Variants in BRINP3 observed in about 807,000 individuals in gnomAD.
The protein encoded by BRINP3 is BMP/retinoic acid inducible neural specific 3, also known as BMP/retinoic acid-inducible neural-specific protein 3.
A neutral mutation model predicts 71.0 loss-of-function variants in BRINP3; 19 were observed. The ratio of observed to expected loss-of-function variants is 0.27; its 90% CI spans 0.19 to 0.39. BRINP3 has a LOEUF of 0.39. BRINP3 is among the 10% of genes least tolerant of loss of function. BRINP3 has a pLI of 1.00. For missense variants in BRINP3, 959 were observed against 940.8 expected (o/e 1.02, Z -0.25); for synonymous variants, 380 against 337.7 (o/e 1.13, Z -1.37).
chr1:190,149,793 T>C (rs1369916437), intron 7 of BRINP3, among the ~76,000 whole-genome samples: 1 of 152,184 alleles, frequency 6.6e-6, no homozygotes, highest in Non-Finnish European at 1.5e-5. Flanking sequence ...ACCTGAGATT[T>C]GATCTTTTGT....
chr1:190,366,399 A>C (rs1475747379), intron 2 of BRINP3, among the ~76,000 whole-genome samples: 1 of 152,272 alleles, frequency 6.6e-6, no homozygotes, highest in East Asian at 1.9e-4. Context: ...AACTGCCCCC[A>C]TGATTGAATT....
At chr1:190,234,603 C>T (rs927670279) in intron 4 of BRINP3, 126 bp from the exon 5 acceptor site, 1 of 607,908 alleles carries the variant, frequency 1.6e-6, no homozygotes, top group Non-Finnish European at 2.9e-6. Flanking sequence ...TCCAGGATCT[C>T]ATACACACCA....
At chr1:190,211,730 A>G (rs1656005626) in intron 6 of BRINP3, among the ~76,000 whole-genome samples, 1 of 152,142 alleles carries the variant, frequency 6.6e-6, no homozygotes, top group Non-Finnish European at 1.5e-5. Context: ...GCAAAAATTC[A>G]TTTGAGATCT....
intron 2 of BRINP3, among the ~76,000 whole-genome samples, chr1:190,452,459 CAG>C (rs1287836372): frequency 6.6e-6 from 1 of 152,186 alleles, no homozygotes; most frequent in East Asian, 1.9e-4. Flanking sequence ...AAAAACCAAA[CAG>C]AATATATGCG....
At chr1:190,285,934 TCTAA>T (rs1187972536) in intron 2 of BRINP3, among the ~76,000 whole-genome samples, 1 of 152,168 alleles carries the variant, frequency 6.6e-6, no homozygotes, top group Non-Finnish European at 1.5e-5. Context: ...CATTGTTGTA[TCTAA>T]CTAAGTGTTG....
intron 2 of BRINP3, among the ~76,000 whole-genome samples, chr1:190,285,839 T>A (rs1310242184): frequency 6.6e-6 from 1 of 152,042 alleles, no homozygotes; most frequent in Non-Finnish European, 1.5e-5. Flanking sequence ...AACATGCTGT[T>A]GGATGTAATT....
chr1:190,377,869 T>C (rs1457063881), intron 2 of BRINP3, among the ~76,000 whole-genome samples: 1 of 152,094 alleles, frequency 6.6e-6, no homozygotes, highest in African/African-American at 2.4e-5. Context: ...AGAAATTAAA[T>C]TTTTTAAATT....
At chr1:190,161,955 AATTCACAGTGAATTAT>A (rs1651021125) in intron 6 of BRINP3, among the ~76,000 whole-genome samples, 1 of 152,118 alleles carries the variant, frequency 6.6e-6, no homozygotes, top group Non-Finnish European at 1.5e-5. Context: ...ACTTTTTAAC[AATTCACAGTGAATTAT>A]ATTCATGAAC....
At chr1:190,173,311 G>A (rs1434310044) in intron 6 of BRINP3, among the ~76,000 whole-genome samples, 3 of 152,068 alleles carry the variant, frequency 2.0e-5, no homozygotes, top group East Asian at 1.9e-4. Flanking sequence ...CTGTACGTGG[G>A]GGAAGGGATA....
At chr1:190,197,451 T>C (rs1039293453) in intron 6 of BRINP3, among the ~76,000 whole-genome samples, 7 of 152,170 alleles carry the variant, frequency 4.6e-5, no homozygotes, top group Non-Finnish European at 8.8e-5. Context: ...CTTCCATCTA[T>C]GAGGCTGTAA....
At chr1:190,228,859 C>G (rs1214816953) in intron 5 of BRINP3, among the ~76,000 whole-genome samples, 1 of 151,890 alleles carries the variant, frequency 6.6e-6, no homozygotes, top group East Asian at 1.9e-4. Context: ...TAGACCAGGT[C>G]TACCTAGTGC....
At chr1:190,153,654 C>T (rs557095882) in intron 7 of BRINP3, among the ~76,000 whole-genome samples, 1 of 152,192 alleles carries the variant, frequency 6.6e-6, no homozygotes, top group Non-Finnish European at 1.5e-5. Context: ...AAGTCCCTCA[C>T]ATTAATATAT....
chr1:190,172,334 T>C lies in BRINP3; in HGVS notation c.962-11444A>G, dbSNP rs146644671. Among the ~76,000 whole-genome samples the C allele has an allele frequency of 5.4e-3, 813 of 151,860 alleles. 5 individuals carry two copies. The highest frequency in any genetic ancestry group is 0.018 in the African/African-American group (741 of 41,398). ...TATACTCTTTATTTTTATCATGTTA[T>C]GTTTATAAATTATTTACCATATTTC... On this transcript the variant is annotated intron_variant, in intron 6 of 7. Transcript: ENST00000367462.
chr1:190,471,360 TC>T (rs1231042013), intron 1 of BRINP3, among the ~76,000 whole-genome samples: 1 of 151,284 alleles, frequency 6.6e-6, no homozygotes, highest in African/African-American at 2.4e-5. Context: ...ACTATCCTCC[TC>T]CTTTTAGCAA....
intron 6 of BRINP3, among the ~76,000 whole-genome samples, chr1:190,222,659 G>A (rs1180669267): frequency 1.3e-5 from 2 of 151,546 alleles, no homozygotes; most frequent in East Asian, 3.9e-4. Flanking sequence ...AATAAAGGAA[G>A]AAGAGGCAAA....
intron 2 of BRINP3, among the ~76,000 whole-genome samples, chr1:190,338,468 A>G (rs1667435240): frequency 6.6e-6 from 1 of 152,072 alleles, no homozygotes; most frequent in Non-Finnish European, 1.5e-5. Context: ...CCTATTGTCC[A>G]GAGGAGAAAA....
In BRINP3 at chr1:190,427,704, T is replaced by C. The variant is rs192582420; in HGVS notation, c.236+26951A>G. Among the ~76,000 whole-genome samples, 510 of 152,134 alleles carry C rather than the reference T, an allele frequency of 3.4e-3. 3 individuals are homozygous for C. The highest frequency in any genetic ancestry group is 5.9e-3 in the Non-Finnish European group (400 of 67,932). ...TTCTGACCTATTTAGATGCCTGGTC[T>C]TCAAAACAGTAAAATAATAAATTGC... On this transcript the variant is annotated intron_variant, in intron 2 of 7. Coordinates refer to ENST00000367462, the MANE Select transcript of BRINP3 (RefSeq NM_199051.3).
chr1:190,277,112 T>TATATATATATATATATAA, intron 3 of BRINP3, among the ~76,000 whole-genome samples: 1 of 125,648 alleles, frequency 8.0e-6, no homozygotes, highest in Non-Finnish European at 1.7e-5. Context: ...TATATATATA[T>TATATATATATATATATAA]ATATATTTAT....
At position 190,098,246 on chromosome 1, in the gene BRINP3, A is replaced by G; in HGVS notation, c.2073T>C (p.Tyr691=). The G allele has an allele frequency of 1.2e-6, 2 of 1,614,172 alleles. No homozygotes were observed. Among genetic ancestry groups the G allele is most frequent in the Non-Finnish European group, 8.5e-7 (1 of 1,180,032 alleles). Residue 691 remains tyrosine (Y), a synonymous_variant, in exon 8 of 8, where the codon TAT becomes TAC. Transcript: ENST00000367462. ...GTGCTGAATCCTGGGATCCCTGAGT[A>G]TAGGGGTAGTCCAGCTGCAAAATCA... The part of the protein sequence containing the change: ...RDLILQLDYP[Y]TQGSQDSALL...
Sources: allele counts gnomAD v4.1 joint callset (sites outside exome capture counted in the v4.1 genomes callset), GRCh38; gene constraint gnomAD v4.1.1; transcripts MANE v1.5; gene names NCBI Gene and HGNC (gene_info 2026-07-23, HGNC 2026-07-21).